UQCC1: variants seen among roughly 807,000 people sequenced by gnomAD.
UQCC1 encodes the protein ubiquinol-cytochrome c reductase complex assembly factor 1, also known as bFGF-repressed Zic-binding protein.
A neutral mutation model predicts 48.0 loss-of-function variants in UQCC1; 38 were observed. That is an observed-to-expected ratio of 0.79 (90% CI 0.61 to 1.04). The LOEUF is 1.04. UQCC1 is among the 50% of genes least tolerant of loss of function. The pLI is 0.00. For missense variants in UQCC1, 368 were observed against 381.8 expected (o/e 0.96, Z 0.30); for synonymous variants, 111 against 129.2 (o/e 0.86, Z 0.95).
intron 5 of UQCC1, among the ~76,000 whole-genome samples, chr20:35,368,574 C>A (rs1302244061): frequency 6.6e-6 from 1 of 152,142 alleles, no homozygotes; most frequent in Non-Finnish European, 1.5e-5. Flanking sequence ...CATACCAGAT[C>A]TACTGCAAGC....
intron 1 of UQCC1, among the ~76,000 whole-genome samples, chr20:35,407,819 T>G (rs1230078544): frequency 1.3e-5 from 2 of 152,162 alleles, no homozygotes; most frequent in African/African-American, 4.8e-5. Context: ...GGTTGGGAGT[T>G]TGAGACCATC....
Position 35,306,958 on chromosome 20 carries a change from G to T in UQCC1, c.652-179C>A, listed in dbSNP as rs1310201294. On this transcript the variant is annotated intron_variant, in intron 8 of 9. Transcript: ENST00000374385. ...GGAAGGGGTCTTACAAGGGTATCTG[G>T]CCCAATCCCTTCATTTTATTACATA... 6 of 654,096 alleles carry T rather than the reference G, an allele frequency of 9.2e-6. No homozygotes were observed. In the African/African-American group the frequency reaches 1.1e-4, roughly 12 times the overall value. The allele number at this position is 654,096 out of a possible 1,614,324, so 40.5% of individuals were successfully genotyped here.
At chr20:35,367,776 A>G (rs1392406638) in intron 5 of UQCC1, among the ~76,000 whole-genome samples, 1 of 152,156 alleles carries the variant, frequency 6.6e-6, no homozygotes, top group Non-Finnish European at 1.5e-5. Context: ...AAGAAAAAAG[A>G]AAAAGAAAAG....
At chr20:35,318,447 A>G (rs906003020) in intron 7 of UQCC1, among the ~76,000 whole-genome samples, 5 of 152,188 alleles carry the variant, frequency 3.3e-5, no homozygotes, top group Non-Finnish European at 7.3e-5. Context: ...ACAAACATAC[A>G]AACACATTTT....
intron 2 of UQCC1, among the ~76,000 whole-genome samples, chr20:35,389,168 T>A (rs2061983530): frequency 6.6e-6 from 1 of 152,074 alleles, no homozygotes; most frequent in South Asian, 2.1e-4. Flanking sequence ...ACCTGAAACA[T>A]CTTGTGGTGC....
Position 35,341,091 on chromosome 20 carries a change from C to T in UQCC1, c.573+6073G>A, listed in dbSNP as rs181298048. 5.9e-5 allele frequency among the ~76,000 whole-genome samples: 9 copies of T among 151,842 alleles called. No individual in the cohort carries two copies. In the East Asian group the frequency reaches 1.7e-3, roughly 29 times the overall value. On this transcript the variant is annotated intron_variant, in intron 7 of 9. Transcript: ENST00000374385. ...TTACAAACATTAGCCGGGTATGGTG[C>T]ACGCCTGTAATCCCAGCTACTCAGG...
At chr20:35,405,702 A>T (rs1340769314) in intron 1 of UQCC1, among the ~76,000 whole-genome samples, 1 of 152,226 alleles carries the variant, frequency 6.6e-6, no homozygotes. Flanking sequence ...ATCCTGGCCA[A>T]CATGGTGAAA....
Position 35,346,903 on chromosome 20 carries a change from C to T in UQCC1, c.573+261G>A, listed in dbSNP as rs1600916368. 8.6e-6 allele frequency: 11 copies of T among 1,280,598 alleles called. No individual in the cohort carries two copies. In the South Asian group the frequency reaches 1.2e-4, roughly 14 times the overall value. 79.3% of individuals were successfully genotyped at this position (1,280,598 alleles called of 1,614,324 possible). A position where few individuals can be genotyped will look rare whatever the true frequency, so the allele number is the denominator to read the frequency against. ...ACCAAATCCATCCCTCCTATCACCA[C>T]GATTTGGGCTTTACAATCCCATCTC... On this transcript the variant is annotated intron_variant, in intron 7 of 9. Transcript: ENST00000374385.
intron 7 of UQCC1, among the ~76,000 whole-genome samples, chr20:35,329,552 G>A (rs2061234394): frequency 6.6e-6 from 1 of 152,160 alleles, no homozygotes; most frequent in Non-Finnish European, 1.5e-5. Flanking sequence ...TCAGCATTTT[G>A]GGGGAAACAA....
rs917056496 is a variant in UQCC1 at position 35,302,685 on chromosome 20, G to A, written c.*1250C>T. The A allele has an allele frequency of 6.6e-6, 1 of 152,148 alleles. No individual in the cohort carries two copies. The highest frequency in any genetic ancestry group is 1.5e-5 in the Non-Finnish European group (1 of 68,042). The allele number at this position is 152,148 out of a possible 1,614,324, so 9.4% of individuals were successfully genotyped here. Reference sequence around the variant, plus strand: ...GGCTCAGCTCTGGTTTATGTAAATAGTGCCCAGCTGTAATGAGTTACAAGG... The same window carrying A: ...GGCTCAGCTCTGGTTTATGTAAATAATGCCCAGCTGTAATGAGTTACAAGG... On this transcript the variant is annotated 3_prime_UTR_variant, in exon 10 of 10. Transcript: ENST00000374385.
At chr20:35,402,540 T>C (rs1363615150) in intron 1 of UQCC1, among the ~76,000 whole-genome samples, 1 of 151,192 alleles carries the variant, frequency 6.6e-6, no homozygotes, top group Non-Finnish European at 1.5e-5. Flanking sequence ...ATCGCACCAC[T>C]GCACTCTAGC....
At chr20:35,354,531 G>T (rs1391573232) in intron 6 of UQCC1, among the ~76,000 whole-genome samples, 1 of 152,046 alleles carries the variant, frequency 6.6e-6, no homozygotes, top group African/African-American at 2.4e-5. Context: ...CGAGTAGCTG[G>T]GACTACAGGT....
At position 35,303,959 on chromosome 20, in the gene UQCC1, C is replaced by T; in HGVS notation, c.876G>A (p.Pro292=). The change falls in exon 10 of 10, where the codon CCG becomes CCA. Residue 292 remains proline (P), a synonymous_variant. Coordinates refer to ENST00000374385, the MANE Select transcript of UQCC1 (RefSeq NM_018244.5). ...ATCAAAGTCCCTCGTCGTTGTAAGTCGGAGAATGGGGCTTCAGGATGCTCT... is the reference window on the plus strand; with the variant it reads ...ATCAAAGTCCCTCGTCGTTGTAAGTTGGAGAATGGGGCTTCAGGATGCTCT... The part of the protein sequence containing the change: ...NPQSILKPHS[P]TYNDEGL 6.2e-7 allele frequency: 1 copy of T among 1,614,206 alleles called. No homozygotes were observed. Among genetic ancestry groups the T allele is most frequent in the Non-Finnish European group, 8.5e-7 (1 of 1,180,018 alleles).
chr20:35,392,975 A>T (rs1168819762), intron 2 of UQCC1, among the ~76,000 whole-genome samples: 1 of 152,156 alleles, frequency 6.6e-6, no homozygotes, highest in Non-Finnish European at 1.5e-5. Context: ...TCACAAACTG[A>T]AAAACAACTG....
At chr20:35,345,811 A>G (rs1211850376) in intron 7 of UQCC1, 3 of 152,182 alleles carry the variant, frequency 2.0e-5, no homozygotes, top group Non-Finnish European at 4.4e-5. Context: ...CACAGGGAGA[A>G]CTTTGCCCTG....
chr20:35,366,525 A>T (rs2061668004), intron 6 of UQCC1, 32 bp downstream of exon 6: 2 of 1,603,678 alleles, frequency 1.2e-6, no homozygotes, highest in Non-Finnish European at 1.7e-6. Context: ...AAAAAAATAC[A>T]TTTGGTGACT....
intron 4 of UQCC1, among the ~76,000 whole-genome samples, chr20:35,377,552 T>C (rs2061816525): frequency 6.6e-6 from 1 of 152,204 alleles, no homozygotes; most frequent in African/African-American, 2.4e-5. Context: ...CTGGCACTGA[T>C]CTGGATGATG....
intron 7 of UQCC1, among the ~76,000 whole-genome samples, chr20:35,322,114 T>C (rs2061137938): frequency 6.6e-6 from 1 of 152,160 alleles, no homozygotes; most frequent in Non-Finnish European, 1.5e-5. Context: ...TCTACTTTGG[T>C]TTCTGGAAGC....
At chr20:35,313,322 G>A (rs1289342948) in intron 8 of UQCC1, among the ~76,000 whole-genome samples, 1 of 135,932 alleles carries the variant, frequency 7.4e-6, no homozygotes, top group Non-Finnish European at 1.5e-5. Context: ...CTTGTGGTAA[G>A]TAGAGATCGC....
Sources: gnomAD v4.1 joint callset for allele counts (sites outside exome capture counted in the v4.1 genomes callset) on GRCh38, gnomAD v4.1.1 for gene constraint, MANE v1.5 for transcripts, NCBI Gene and HGNC (gene_info 2026-07-23, HGNC 2026-07-21) for gene names.